The following UNC5A variants were observed in gnomAD, a reference collection of about 807,000 sequenced individuals.
The protein encoded by UNC5A is unc-5 netrin receptor A, also known as netrin receptor UNC5A.
Under a neutral mutation model 87.4 loss-of-function variants are expected in UNC5A, and 20 were observed. That is an observed-to-expected ratio of 0.23 (90% confidence interval 0.16 to 0.33). The LOEUF is 0.33. Among genes scored for constraint, UNC5A ranks in the 10% least tolerant of loss-of-function variants. The pLI, the probability that UNC5A is intolerant of heterozygous loss-of-function variation, is 1.00. For synonymous variants in UNC5A, 438 were observed against 482.3 expected, an observed-to-expected ratio of 0.91 and a Z score of 1.20; for missense variants, 844 against 1,133.4, an observed-to-expected ratio of 0.74 and a Z score of 3.67.
chr5:176,868,116 C>G lies in UNC5A; in HGVS notation c.293-14C>G. The stretch of plus-strand genomic sequence containing the variant: ...GGCCCTGGGGCTCTGACTACCTGCC[C>G]CTCCCGCCCCCAGGGCTGCCCACCA... On this transcript the variant is annotated splice_polypyrimidine_tract_variant and intron_variant, in intron 2 of 14. Transcript: ENST00000329542. The G allele has an allele frequency of 6.2e-7, 1 of 1,609,004 alleles. No homozygotes were observed.
Position 176,848,216 on chromosome 5 carries a change from G to A in UNC5A, c.71-14408G>A, listed in dbSNP as rs1347810438. Among the ~76,000 whole-genome samples, 7 of 152,028 alleles carry A rather than the reference G, an allele frequency of 4.6e-5. No homozygotes were observed. The highest frequency in any genetic ancestry group is 1.0e-4 in the Non-Finnish European group (7 of 67,982). On this transcript the variant is annotated intron_variant, in intron 1 of 14. Coordinates refer to ENST00000329542, the MANE Select transcript of UNC5A (RefSeq NM_133369.3). The surrounding 1 kb of genome is among the most constrained non-coding windows in gnomAD (Gnocchi z 5.8). Reference sequence around the variant, plus strand: ...CCCAGATCCCTCCGCCCCTCAGCCTGGTGTGACATCCTTTAGGGACCCTTG... The same window carrying A: ...CCCAGATCCCTCCGCCCCTCAGCCTAGTGTGACATCCTTTAGGGACCCTTG...
chr5:176,836,972 C>T (rs1415543272), intron 1 of UNC5A, among the ~76,000 whole-genome samples: 4 of 152,174 alleles, frequency 2.6e-5, no homozygotes, highest in Admixed American at 1.3e-4. Flanking sequence ...CCAGAGCCAG[C>T]GCACAGGCCA....
At chr5:176,858,478 G>T (rs1757719299) in intron 1 of UNC5A, among the ~76,000 whole-genome samples, 1 of 152,084 alleles carries the variant, frequency 6.6e-6, no homozygotes, top group Non-Finnish European at 1.5e-5. Context: ...AGAACGTGAG[G>T]CTCAGTGATG....
intron 1 of UNC5A, among the ~76,000 whole-genome samples, chr5:176,811,558 C>T (rs1417612398): frequency 6.6e-6 from 1 of 152,100 alleles, no homozygotes. Context: ...CCATTGGTCA[C>T]CCTAACCCAC....
In UNC5A at chr5:176,844,743, A is replaced by G. The variant is rs1757361457; in HGVS notation, c.71-17881A>G. On this transcript the variant is annotated intron_variant, in intron 1 of 14. Transcript: ENST00000329542. The surrounding 1 kb of genome is among the most constrained non-coding windows in gnomAD (Gnocchi z 4.2). The stretch of plus-strand genomic sequence containing the variant: ...ACAGTTCACAGCCTCCTATTGTTCC[A>G]GTTGGAACAGAGGACTCAGCAGGGC... Among the ~76,000 whole-genome samples, 2 of 152,108 alleles carry G rather than the reference A, an allele frequency of 1.3e-5. No homozygotes were observed. Among genetic ancestry groups the G allele is most frequent in the Non-Finnish European group, 2.9e-5 (2 of 68,012 alleles).
chr5:176,830,913 G>A (rs1158247451), intron 1 of UNC5A, among the ~76,000 whole-genome samples: 1 of 124,604 alleles, frequency 8.0e-6, no homozygotes, highest in Non-Finnish European at 1.7e-5. Flanking sequence ...TGTATGTGCC[G>A]GCGTGTGTGT....
intron 1 of UNC5A, among the ~76,000 whole-genome samples, chr5:176,826,165 G>T (rs112413344): frequency 6.6e-6 from 1 of 152,236 alleles, no homozygotes; most frequent in Non-Finnish European, 1.5e-5. Context: ...AGCAGGAGGG[G>T]CTGAGGGCAC....
rs1561665779 is a variant in UNC5A, at chr5:176,869,588, A to T, written c.721+624A>T. ...TATCTGAGGACGCCCCCGCTCCCTG[A>T]CCCCAGTCCTTCTCTGTCCGGCCAG... On this transcript the variant is annotated intron_variant, in intron 5 of 14. Coordinates refer to ENST00000329542, the MANE Select transcript of UNC5A (RefSeq NM_133369.3). The surrounding 1 kb of genome is among the most constrained non-coding windows in gnomAD (Gnocchi z 9.1). The T allele has an allele frequency of 1.4e-6, 1 of 690,490 alleles. No homozygotes were observed. Among genetic ancestry groups the T allele is most frequent in the South Asian group, 1.5e-5 (1 of 66,786 alleles). 42.8% of individuals were successfully genotyped at this position (690,490 alleles called of 1,614,324 possible).
rs894804715 is a variant in UNC5A at position 176,874,659 on chromosome 5, C to T, written c.1378+93C>T. The T allele has an allele frequency of 7.2e-6, 10 of 1,383,438 alleles. No individual in the cohort carries two copies. Among genetic ancestry groups the T allele is most frequent in the Middle Eastern group, 1.9e-4 (1 of 5,260 alleles). 85.7% of individuals were successfully genotyped at this position (1,383,438 alleles called of 1,614,324 possible). Reference sequence around the variant, plus strand: ...GTTCCTCTCGTGCCCCTCGGTGTCCCGTGACAGATCAGCAAGGAAAGGGGG... The same window carrying T: ...GTTCCTCTCGTGCCCCTCGGTGTCCTGTGACAGATCAGCAAGGAAAGGGGG... On this transcript the variant is annotated intron_variant, in intron 8 of 14. Coordinates refer to ENST00000329542, the MANE Select transcript of UNC5A (RefSeq NM_133369.3). The surrounding 1 kb of genome is among the most constrained non-coding windows in gnomAD (Gnocchi z 7.6).
intron 3 of UNC5A, 73 bp downstream of exon 3, chr5:176,868,346 T>C: frequency 6.3e-7 from 1 of 1,595,210 alleles, no homozygotes; most frequent in Non-Finnish European, 8.5e-7. Context: ...ACAGTAGGCT[T>C]CCTGGAAGAG....
intron 1 of UNC5A, among the ~76,000 whole-genome samples, chr5:176,857,261 C>T (rs944979706): frequency 2.6e-5 from 4 of 152,250 alleles, no homozygotes; most frequent in South Asian, 2.1e-4. Flanking sequence ...GTCTTGCTTG[C>T]GCTGGATCCC....
In UNC5A at chr5:176,839,947, G is replaced by A. The variant is rs117472324; in HGVS notation, c.71-22677G>A. On this transcript the variant is annotated intron_variant, in intron 1 of 14. Transcript: ENST00000329542. ...TTCTGCTGCCTCAGCCTTGCTTGTG[G>A]TCCAGGCTTGTGGTCTACTGCCTCA... Among the ~76,000 whole-genome samples, 183 of 151,676 alleles carry A rather than the reference G, an allele frequency of 1.2e-3. 2 individuals are homozygous for A. In the East Asian group the frequency reaches 0.031, roughly 26 times the overall value.
intron 2 of UNC5A, among the ~76,000 whole-genome samples, chr5:176,863,557 C>G (rs1757893344): frequency 6.6e-6 from 1 of 152,080 alleles, no homozygotes; most frequent in Non-Finnish European, 1.5e-5. Context: ...CGAGCAGACC[C>G]AGGAAGCACC....
intron 1 of UNC5A, among the ~76,000 whole-genome samples, 182 bp downstream of exon 1, chr5:176,811,002 C>T (rs575468403): frequency 1.3e-5 from 2 of 152,188 alleles, no homozygotes; most frequent in South Asian, 2.1e-4. Context: ...GCGCGCTCTC[C>T]CGGAAGCCTG....
At chr5:176,811,743 G>A (rs1756461175) in intron 1 of UNC5A, among the ~76,000 whole-genome samples, 1 of 152,078 alleles carries the variant, frequency 6.6e-6, no homozygotes, top group Non-Finnish European at 1.5e-5. Context: ...CTGTGGTGGT[G>A]GGGGGTGGGT....
intron 1 of UNC5A, among the ~76,000 whole-genome samples, chr5:176,843,861 G>A (rs1757338929): frequency 6.6e-6 from 1 of 152,244 alleles, no homozygotes; most frequent in African/African-American, 2.4e-5. Context: ...CCTGGCCCCT[G>A]GCGTTCTGAC....
rs774649222 is a variant in UNC5A, at chr5:176,879,911, C to T, written c.*25C>T. On this transcript the variant is annotated 3_prime_UTR_variant, in exon 15 of 15. Transcript: ENST00000329542. ...AGGCCGGCCAGGCCCGACACCTACA[C>T]TCTCACCAGCTTTGGCACCCACCAA... 7.5e-6 allele frequency: 12 copies of T among 1,600,230 alleles called. No homozygotes were observed. Among genetic ancestry groups the T allele is most frequent in the Middle Eastern group, 1.8e-4 (1 of 5,424 alleles).
chr5:176,872,515 GCC>G (rs57938307), intron 6 of UNC5A, among the ~76,000 whole-genome samples: 1 of 22,634 alleles, frequency 4.4e-5, no homozygotes. Context: ...GCCCACACTC[GCC>G]CCAACACCAC....
chr5:176,822,134 C>T (rs7701189), intron 1 of UNC5A, among the ~76,000 whole-genome samples: 3,073 of 152,366 alleles, frequency 0.02, 93 homozygotes, highest in African/African-American at 0.069. Flanking sequence ...CCTCATAGGG[C>T]TGCAAGGATT....
Sources: gnomAD v4.1 joint callset for allele counts (sites outside exome capture counted in the v4.1 genomes callset) on GRCh38, gnomAD v4.1.1 for gene constraint, Gnocchi (gnomAD v3.1) non-coding constraint, MANE v1.5 for transcripts, NCBI Gene and HGNC (gene_info 2026-07-23, HGNC 2026-07-21) for gene names.